The following TYW1B variants were observed in gnomAD, a reference collection of about 807,000 sequenced individuals.
TYW1B encodes the protein tRNA-yW synthesizing protein 1 homolog B, also known as S-adenosyl-L-methionine-dependent tRNA 4-demethylwyosine synthase TYW1B.
Under a neutral mutation model 86.9 loss-of-function variants are expected in TYW1B, and 73 were observed. The observed-to-expected ratio is 0.84, with a 90% CI of 0.70 to 1.02. The LOEUF (loss-of-function observed/expected upper bound fraction) is 1.02, where lower values mean the gene tolerates loss of function less well. TYW1B is among the 50% of genes least tolerant of loss of function. The pLI, the probability that TYW1B is intolerant of heterozygous loss-of-function variation, is 0.00. For synonymous variants in TYW1B, 248 were observed against 292.8 expected, an observed-to-expected ratio of 0.85 and a Z score of 1.56; for missense variants, 637 against 827.4, an observed-to-expected ratio of 0.77 and a Z score of 2.82.
intron 13 of TYW1B, among the ~76,000 whole-genome samples, chr7:72,584,235 C>T (rs2129567672): frequency 6.6e-6 from 1 of 152,260 alleles, no homozygotes; most frequent in East Asian, 1.9e-4. Context: ...TGTAGAGAGA[C>T]AGTCTTGCTA....
At chr7:72,673,419 TA>T (rs1266756294) in intron 11 of TYW1B, among the ~76,000 whole-genome samples, 2 of 151,966 alleles carry the variant, frequency 1.3e-5, no homozygotes, top group Admixed American at 6.6e-5. Context: ...TATTCACCCA[TA>T]AAAAAAGAAT....
intron 13 of TYW1B, among the ~76,000 whole-genome samples, chr7:72,582,374 G>A (rs1811175938): frequency 6.6e-6 from 1 of 152,182 alleles, no homozygotes; most frequent in Non-Finnish European, 1.5e-5. Context: ...GAATCTGAAT[G>A]CCTTTTGAGT....
At chr7:72,810,919 G>C (rs1554478065) in intron 3 of TYW1B, among the ~76,000 whole-genome samples, 1 of 151,904 alleles carries the variant, frequency 6.6e-6, no homozygotes. Flanking sequence ...CCATTATCCA[G>C]ACTATACATT....
intron 13 of TYW1B, among the ~76,000 whole-genome samples, chr7:72,605,379 C>T (rs1344274861): frequency 1.3e-5 from 2 of 148,400 alleles, no homozygotes; most frequent in Non-Finnish European, 3.0e-5. Context: ...TTTGAGACAG[C>T]GTCTCACTCT....
At chr7:72,780,168 C>CT (rs1554471393) in intron 6 of TYW1B, among the ~76,000 whole-genome samples, 1 of 152,134 alleles carries the variant, frequency 6.6e-6, no homozygotes, top group Non-Finnish European at 1.5e-5. Flanking sequence ...TGAGGTCTCG[C>CT]TATGTCGCCC....
intron 13 of TYW1B, among the ~76,000 whole-genome samples, chr7:72,613,500 C>T (rs1554436331): frequency 2.7e-5 from 4 of 150,574 alleles, no homozygotes; most frequent in East Asian, 2.0e-4. Flanking sequence ...CTCCACCTCC[C>T]GGGTTCAAGA....
At chr7:72,761,621 T>A (rs1388704832) in intron 7 of TYW1B, among the ~76,000 whole-genome samples, 1 of 151,754 alleles carries the variant, frequency 6.6e-6, no homozygotes. Context: ...TTTTTTTAAT[T>A]TAAAAATTTT....
intron 11 of TYW1B, among the ~76,000 whole-genome samples, chr7:72,652,377 GA>G (rs1169791430): frequency 0.026 from 807 of 31,218 alleles, 1 homozygote; most frequent in African/African-American, 0.057. Flanking sequence ...GACTCTGTCT[GA>G]AAAAAAAAAA....
intron 7 of TYW1B, among the ~76,000 whole-genome samples, chr7:72,764,385 C>T (rs1466227609): frequency 2.6e-5 from 4 of 152,130 alleles, no homozygotes; most frequent in African/African-American, 4.8e-5. Flanking sequence ...CGGGTTTGAG[C>T]GATTCTTCTG....
At chr7:72,584,679 C>A (rs1230202456) in intron 13 of TYW1B, among the ~76,000 whole-genome samples, 1 of 152,150 alleles carries the variant, frequency 6.6e-6, no homozygotes, top group African/African-American at 2.4e-5. Context: ...TGGTCTCGAA[C>A]TCCTGACCTC....
At chr7:72,761,347 T>C (rs1585963885) in intron 7 of TYW1B, among the ~76,000 whole-genome samples, 2 of 152,104 alleles carry the variant, frequency 1.3e-5, no homozygotes, top group Non-Finnish European at 2.9e-5. Flanking sequence ...CTAATGAATA[T>C]GTATAATTCT....
Position 72,802,502 on chromosome 7 carries a change from G to A in TYW1B, c.744C>T (p.Ser248=). The part of the protein sequence containing the change: ...RDTKEEEPFE[S]SSEEEFGGED... ...CACCACCAAACTCTTCTTCACTGGA[G>A]CTCTCGAAGGGTTCTTCCTCCTGGA... Residue 248 remains serine (S), a synonymous_variant, in exon 6 of 14, where the codon AGC becomes AGT. Coordinates refer to ENST00000620995, the MANE Select transcript of TYW1B (RefSeq NM_001145440.3). The A allele has an allele frequency of 6.2e-7, 1 of 1,613,860 alleles. No individual in the cohort carries two copies. The highest frequency in any genetic ancestry group is 8.5e-7 in the Non-Finnish European group (1 of 1,179,856).
intron 6 of TYW1B, among the ~76,000 whole-genome samples, chr7:72,790,859 G>A (rs1227839900): frequency 4.6e-5 from 7 of 152,196 alleles, no homozygotes; most frequent in African/African-American, 1.7e-4. Context: ...CAGCAAGTGC[G>A]GTCACCTCTC....
intron 6 of TYW1B, among the ~76,000 whole-genome samples, chr7:72,801,633 T>C (rs1215810183): frequency 6.6e-6 from 1 of 152,148 alleles, no homozygotes; most frequent in African/African-American, 2.4e-5. Flanking sequence ...AGGCTGTTAT[T>C]TTTATAGTAT....
chr7:72,735,915 T>G (rs1787190404), intron 8 of TYW1B, among the ~76,000 whole-genome samples: 1 of 152,154 alleles, frequency 6.6e-6, no homozygotes, highest in Non-Finnish European at 1.5e-5. Flanking sequence ...TATTTAAGGT[T>G]TATAAATCAT....
chr7:72,708,301 A>G (rs1439647082), intron 10 of TYW1B, among the ~76,000 whole-genome samples: 1 of 151,818 alleles, frequency 6.6e-6, no homozygotes, highest in African/African-American at 2.4e-5. Flanking sequence ...AGTTACTTAG[A>G]AAAAAAAATT....
chr7:72,644,035 A>G (rs1474140831), intron 11 of TYW1B, among the ~76,000 whole-genome samples: 1 of 152,218 alleles, frequency 6.6e-6, no homozygotes, highest in Non-Finnish European at 1.5e-5. Flanking sequence ...CACAAAAAAG[A>G]TAATACATAG....
At chr7:72,640,364 G>A (rs1362874062) in intron 11 of TYW1B, among the ~76,000 whole-genome samples, 1 of 151,944 alleles carries the variant, frequency 6.6e-6, no homozygotes, top group African/African-American at 2.4e-5. Flanking sequence ...AGAGACACAC[G>A]AAAGACTAAA....
intron 13 of TYW1B, among the ~76,000 whole-genome samples, chr7:72,592,917 A>G (rs1811430009): frequency 6.6e-6 from 1 of 152,370 alleles, no homozygotes; most frequent in Non-Finnish European, 1.5e-5. Flanking sequence ...ATATAATTGA[A>G]AGGAGAAATG....
Sources: allele counts gnomAD v4.1 joint callset (sites outside exome capture counted in the v4.1 genomes callset), GRCh38; gene constraint gnomAD v4.1.1; transcripts MANE v1.5; gene names NCBI Gene and HGNC (gene_info 2026-07-23, HGNC 2026-07-21).